Variants in CDH20 observed in about 807,000 individuals in gnomAD.
CDH20 encodes cadherin-20.
Under a neutral mutation model 74.2 loss-of-function variants are expected in CDH20, and 29 were observed. The ratio of observed to expected loss-of-function variants is 0.39; its 90% CI spans 0.29 to 0.53. CDH20 has a LOEUF of 0.53. Among genes scored for constraint, CDH20 ranks in the 20% least tolerant of loss-of-function variants. CDH20 has a pLI of 0.69. For synonymous variants in CDH20, 469 were observed against 405.4 expected (o/e 1.16, Z -1.88); for missense variants, 988 against 1,048.3 (o/e 0.94, Z 0.79).
intron 1 of CDH20, among the ~76,000 whole-genome samples, chr18:61,452,296 A>T (rs1909419621): frequency 6.6e-6 from 1 of 152,162 alleles, no homozygotes; most frequent in South Asian, 2.1e-4. Context: ...TTTATCACAG[A>T]TGTTTTATCA....
intron 1 of CDH20, among the ~76,000 whole-genome samples, chr18:61,468,500 C>A (rs763313563): frequency 6.6e-6 from 1 of 152,092 alleles, no homozygotes; most frequent in Non-Finnish European, 1.5e-5. Flanking sequence ...TAAGAATATT[C>A]TTTTTCTTAT....
intron 4 of CDH20, among the ~76,000 whole-genome samples, chr18:61,502,740 T>A (rs76866170): frequency 0.012 from 1,784 of 152,252 alleles, 29 homozygotes; most frequent in African/African-American, 0.04. Context: ...CCCTCTGAGC[T>A]CTTCCTGCTG....
chr18:61,411,188 A>C (rs1912487373), intron 1 of CDH20, among the ~76,000 whole-genome samples: 1 of 99,434 alleles, frequency 1.0e-5, no homozygotes, highest in South Asian at 4.0e-4. Flanking sequence ...ACAGAGCAAG[A>C]CTCTGTCTGA....
intron 7 of CDH20, among the ~76,000 whole-genome samples, chr18:61,535,337 AATAAAAATG>A (rs1213131374): frequency 6.6e-6 from 1 of 152,194 alleles, no homozygotes; most frequent in East Asian, 1.9e-4. Context: ...AGAATTAAAA[AATAAAAATG>A]ATAAAAATTA....
Position 61,417,578 on chromosome 18 carries a change from T to A in CDH20, c.-152-72824T>A, listed in dbSNP as rs1272885081. On this transcript the variant is annotated intron_variant, in intron 1 of 11. Coordinates refer to ENST00000262717, the MANE Select transcript of CDH20 (RefSeq NM_031891.4). Reference sequence around the variant, plus strand: ...TATGTTCTTACTCAGATGTGGGAGCTAAAAAAAAAAAAAAAAAAAAAAAAA... The same window carrying A: ...TATGTTCTTACTCAGATGTGGGAGCAAAAAAAAAAAAAAAAAAAAAAAAAA... Among the ~76,000 whole-genome samples the A allele has an allele frequency of 3.7e-4, 23 of 62,362 alleles. 1 individual carries two copies. The highest frequency in any genetic ancestry group is 7.2e-4 in the African/African-American group (9 of 12,544). The allele number at this position is 62,362 out of a possible 152,430, so 40.9% of individuals were successfully genotyped here.
At chr18:61,493,109 C>A (rs576010986) in intron 2 of CDH20, among the ~76,000 whole-genome samples, 1 of 152,286 alleles carries the variant, frequency 6.6e-6, no homozygotes, top group East Asian at 1.9e-4. Flanking sequence ...CTCAGTAATA[C>A]CTAATGCAGC....
At chr18:61,455,864 C>T (rs1909555380) in intron 1 of CDH20, among the ~76,000 whole-genome samples, 1 of 152,170 alleles carries the variant, frequency 6.6e-6, no homozygotes, top group African/African-American at 2.4e-5. Flanking sequence ...AAATGATGAA[C>T]TTTCAATTTT....
Position 61,555,707 on chromosome 18 carries a change from T to G in CDH20, c.*1012T>G. 1 of 964,992 alleles carries G rather than the reference T, an allele frequency of 1.0e-6. No individual in the cohort carries two copies. The highest frequency in any genetic ancestry group is 1.2e-6 in the Non-Finnish European group (1 of 811,274). 59.8% of individuals were successfully genotyped at this position (964,992 alleles called of 1,614,324 possible). A position where few individuals can be genotyped will look rare whatever the true frequency, so the allele number is the denominator to read the frequency against. ...AAGTTTTGTATATTTGTTAATAATT[T>G]TGGTAATAAATATGATGTACTGCAT... On this transcript the variant is annotated 3_prime_UTR_variant, in exon 12 of 12. Transcript: ENST00000262717.
chr18:61,392,622 T>C (rs997895858), intron 1 of CDH20, among the ~76,000 whole-genome samples: 4 of 152,146 alleles, frequency 2.6e-5, no homozygotes, highest in Non-Finnish European at 5.9e-5. Context: ...TTCCCCATCA[T>C]TATATCTCTG....
intron 1 of CDH20, among the ~76,000 whole-genome samples, chr18:61,421,279 A>G (rs1009311819): frequency 3.3e-5 from 5 of 152,242 alleles, no homozygotes. Flanking sequence ...TATTGCAGCT[A>G]ATACAGAACA....
chr18:61,494,512 A>G (rs766224477), intron 2 of CDH20, among the ~76,000 whole-genome samples: 3 of 152,184 alleles, frequency 2.0e-5, no homozygotes, highest in Admixed American at 1.3e-4. Context: ...CATGAAGAAG[A>G]TAATTATATA....
At chr18:61,352,451 T>C (rs1910335934) in intron 1 of CDH20, among the ~76,000 whole-genome samples, 1 of 152,214 alleles carries the variant, frequency 6.6e-6, no homozygotes, top group Non-Finnish European at 1.5e-5. Context: ...TTGCCCTCTA[T>C]GATAACTATT....
chr18:61,463,977 A>T (rs1466934417), intron 1 of CDH20, among the ~76,000 whole-genome samples: 2 of 152,180 alleles, frequency 1.3e-5, no homozygotes, highest in Non-Finnish European at 2.9e-5. Flanking sequence ...TTAGCTATCC[A>T]TTAAATGAGA....
chr18:61,542,710 G>T (rs1287762750), intron 9 of CDH20, among the ~76,000 whole-genome samples: 1 of 152,162 alleles, frequency 6.6e-6, no homozygotes, highest in Non-Finnish European at 1.5e-5. Flanking sequence ...GGTTCTACAG[G>T]CTGTACAAGA....
At chr18:61,524,679 C>T (rs550490999) in intron 6 of CDH20, among the ~76,000 whole-genome samples, 2 of 152,324 alleles carry the variant, frequency 1.3e-5, no homozygotes, top group Admixed American at 1.3e-4. Context: ...CTTTGGGAGG[C>T]CAAGGCCGAG....
At chr18:61,486,538 A>G (rs951254229) in intron 1 of CDH20, among the ~76,000 whole-genome samples, 1 of 152,238 alleles carries the variant, frequency 6.6e-6, no homozygotes, top group African/African-American at 2.4e-5. Context: ...GAGGTGGAAT[A>G]GCATTATGAC....
chr18:61,374,383 C>CA (rs1367073855), intron 1 of CDH20, among the ~76,000 whole-genome samples: 3 of 151,880 alleles, frequency 2.0e-5, no homozygotes, highest in South Asian at 2.1e-4. Flanking sequence ...CATCTAAAAA[C>CA]AAAAAACAAA....
chr18:61,430,806 T>C (rs1913227982), intron 1 of CDH20, among the ~76,000 whole-genome samples: 1 of 152,160 alleles, frequency 6.6e-6, no homozygotes, highest in Non-Finnish European at 1.5e-5. Context: ...TTCAAGCTCT[T>C]TCTTACTTTC....
intron 10 of CDH20, among the ~76,000 whole-genome samples, chr18:61,547,255 G>A (rs186179021): frequency 2.0e-5 from 3 of 152,184 alleles, no homozygotes; most frequent in Non-Finnish European, 4.4e-5. Flanking sequence ...TTGAGCCCAG[G>A]AGTTCAAGGC....
Sources: allele counts gnomAD v4.1 joint callset (sites outside exome capture counted in the v4.1 genomes callset), GRCh38; gene constraint gnomAD v4.1.1; transcripts MANE v1.5; gene names NCBI Gene and HGNC (gene_info 2026-07-23, HGNC 2026-07-21).